SUCLG2: variants seen among roughly 807,000 people sequenced by gnomAD.
SUCLG2 encodes the protein succinate--CoA ligase [GDP-forming] subunit beta, mitochondrial.
A neutral mutation model predicts 47.9 loss-of-function variants in SUCLG2; 42 were observed. The ratio of observed to expected loss-of-function variants is 0.88; its 90% confidence interval spans 0.69 to 1.14. SUCLG2 has a LOEUF of 1.14. Among genes scored for constraint, SUCLG2 ranks in the 50% most tolerant of loss-of-function variants. SUCLG2 has a pLI of 0.00. For missense variants in SUCLG2, 571 were observed against 525.9 expected, an observed-to-expected ratio of 1.09 and a Z score of -0.84; for synonymous variants, 195 against 197.3, an observed-to-expected ratio of 0.99 and a Z score of 0.10.
chr3:67,385,848 A>G (rs1702246993), intron 10 of SUCLG2, among the ~76,000 whole-genome samples: 1 of 152,124 alleles, frequency 6.6e-6, no homozygotes, highest in South Asian at 2.1e-4. Flanking sequence ...CTCTTCAAAG[A>G]CCCTAACCCC....
At chr3:67,518,656 G>A (rs983352953) in intron 5 of SUCLG2, among the ~76,000 whole-genome samples, 7 of 152,104 alleles carry the variant, frequency 4.6e-5, no homozygotes, top group African/African-American at 1.7e-4. Context: ...GACATCTTTT[G>A]GAAGGTTTCC....
At position 67,439,316 on chromosome 3, in the gene SUCLG2, G is replaced by C. The variant is rs139162407; in HGVS notation, c.1063-38465C>G. Among the ~76,000 whole-genome samples the C allele has an allele frequency of 2.8e-3, 428 of 152,282 alleles. 2 individuals are homozygous for C. Among genetic ancestry groups the C allele is most frequent in the Non-Finnish European group, 5.5e-3 (371 of 68,022 alleles). ...GGCAAAAGCTGGAAGTATTTCCTTT[G>C]AAAATTGGCACAAGACAAGGATGCC... is the stretch of plus-strand genomic sequence containing the variant. On this transcript the variant is annotated intron_variant, in intron 9 of 10. Coordinates refer to ENST00000307227, the MANE Select transcript of SUCLG2 (RefSeq NM_003848.4).
intron 9 of SUCLG2, among the ~76,000 whole-genome samples, chr3:67,425,077 G>T (rs546185114): frequency 6.6e-6 from 1 of 151,970 alleles, no homozygotes; most frequent in Admixed American, 6.6e-5. Flanking sequence ...TGAATTAAGC[G>T]CTCTTCTAGT....
At chr3:67,496,143 C>CA (rs1168108427) in intron 8 of SUCLG2, among the ~76,000 whole-genome samples, 1 of 151,590 alleles carries the variant, frequency 6.6e-6, no homozygotes, top group Non-Finnish European at 1.5e-5. Context: ...AACAATGAAA[C>CA]AAAAAAGACT....
At chr3:67,482,295 T>C (rs889943165) in intron 9 of SUCLG2, among the ~76,000 whole-genome samples, 10 of 152,122 alleles carry the variant, frequency 6.6e-5, no homozygotes, top group South Asian at 2.1e-4. Context: ...AAGAGAAATA[T>C]AGTATGCTGA....
intron 7 of SUCLG2, among the ~76,000 whole-genome samples, chr3:67,503,218 A>C (rs1036421553): frequency 6.6e-6 from 1 of 152,204 alleles, no homozygotes; most frequent in Non-Finnish European, 1.5e-5. Flanking sequence ...CAGTTCTCAC[A>C]CTTGTATCCA....
chr3:67,407,681 T>G (rs1409284736), intron 9 of SUCLG2, among the ~76,000 whole-genome samples: 1 of 152,204 alleles, frequency 6.6e-6, no homozygotes, highest in East Asian at 1.9e-4. Context: ...CCTATTCCAA[T>G]CACGAATGCT....
intron 9 of SUCLG2, among the ~76,000 whole-genome samples, chr3:67,447,773 A>G (rs1166917446): frequency 6.6e-6 from 1 of 152,250 alleles, no homozygotes; most frequent in Non-Finnish European, 1.5e-5. Context: ...TCTGTAGCCC[A>G]GGATGGAGTG....
intron 2 of SUCLG2, among the ~76,000 whole-genome samples, chr3:67,549,911 G>A (rs1706968317): frequency 6.6e-6 from 1 of 152,038 alleles, no homozygotes; most frequent in African/African-American, 2.4e-5. Context: ...CTGCAAATGG[G>A]GAAAATGACA....
intron 2 of SUCLG2, among the ~76,000 whole-genome samples, chr3:67,588,405 GAC>G (rs1219069976): frequency 2.0e-5 from 3 of 152,272 alleles, no homozygotes; most frequent in African/African-American, 7.2e-5. Flanking sequence ...CTGAATATCT[GAC>G]ACCCCAACTG....
intron 3 of SUCLG2, among the ~76,000 whole-genome samples, chr3:67,528,424 T>A (rs981264087): frequency 6.6e-6 from 1 of 152,116 alleles, no homozygotes; most frequent in African/African-American, 2.4e-5. Flanking sequence ...AGTTCATGAA[T>A]GAATAAATGA....
intron 9 of SUCLG2, 124 bp from the exon 10 acceptor site, chr3:67,400,975 G>A (rs1022848737): frequency 3.6e-6 from 5 of 1,394,502 alleles, no homozygotes; most frequent in Admixed American, 5.8e-5. Context: ...GTTTTATACA[G>A]AGCATAAAAT....
intron 2 of SUCLG2, among the ~76,000 whole-genome samples, chr3:67,592,017 T>A (rs1708177850): frequency 6.6e-6 from 1 of 152,230 alleles, no homozygotes; most frequent in South Asian, 2.1e-4. Flanking sequence ...TTGATTTCCA[T>A]ACACTGATCT....
Position 67,520,346 on chromosome 3 carries a change from A to C in SUCLG2, c.570+136T>G, listed in dbSNP as rs1422241397. On this transcript the variant is annotated intron_variant, in intron 5 of 10. Coordinates refer to ENST00000307227, the MANE Select transcript of SUCLG2 (RefSeq NM_003848.4). Reference sequence around the variant, plus strand: ...ACTTTCAACTGGATACCCAGAAAGAAAAAGGGCTCAGCATCTTCTTACCTT... The same window carrying C: ...ACTTTCAACTGGATACCCAGAAAGACAAAGGGCTCAGCATCTTCTTACCTT... 30 of 1,284,778 alleles carry C rather than the reference A, an allele frequency of 2.3e-5. No homozygotes were observed. The East Asian group carries it at 6.8e-4, about 29-fold the overall frequency. The allele number at this position is 1,284,778 out of a possible 1,614,324, so 79.6% of individuals were successfully genotyped here. A position where few individuals can be genotyped will look rare whatever the true frequency, so the allele number is the denominator to read the frequency against.
At chr3:67,401,622 G>C (rs1702685844) in intron 9 of SUCLG2, among the ~76,000 whole-genome samples, 1 of 147,138 alleles carries the variant, frequency 6.8e-6, no homozygotes, top group Non-Finnish European at 1.5e-5. Context: ...TTGATAACTA[G>C]GCATAAGAAA....
At chr3:67,547,328 T>A (rs1490665217) in intron 2 of SUCLG2, among the ~76,000 whole-genome samples, 1 of 152,228 alleles carries the variant, frequency 6.6e-6, no homozygotes, top group Non-Finnish European at 1.5e-5. Flanking sequence ...GGCCACCCAG[T>A]CTCTGGTATT....
intron 10 of SUCLG2, among the ~76,000 whole-genome samples, chr3:67,362,867 T>C (rs1324013785): frequency 6.6e-6 from 1 of 152,176 alleles, no homozygotes; most frequent in Non-Finnish European, 1.5e-5. Flanking sequence ...TAGATGCAGC[T>C]ATGGAGTAGT....
At chr3:67,515,030 T>A (rs896428674) in intron 6 of SUCLG2, among the ~76,000 whole-genome samples, 4 of 152,104 alleles carry the variant, frequency 2.6e-5, no homozygotes, top group Admixed American at 2.6e-4. Context: ...CAATGCTACA[T>A]CGCAATGCTC....
intron 1 of SUCLG2, among the ~76,000 whole-genome samples, chr3:67,639,702 G>A (rs550474474): frequency 6.6e-6 from 1 of 152,154 alleles, no homozygotes; most frequent in African/African-American, 2.4e-5. Context: ...CACCCTCTTT[G>A]GGATTCAGTT....
Sources: allele counts gnomAD v4.1 joint callset (sites outside exome capture counted in the v4.1 genomes callset), GRCh38; gene constraint gnomAD v4.1.1; transcripts MANE v1.5; gene names NCBI Gene and HGNC (gene_info 2026-07-23, HGNC 2026-07-21).